CSMD1: variants seen among roughly 807,000 people sequenced by gnomAD.
CSMD1 encodes CUB and sushi domain-containing protein 1.
CSMD1 carries 213 observed loss-of-function variants against 417.5 expected under a neutral mutation model. That is an observed-to-expected ratio of 0.51 (90% CI 0.46 to 0.57). The LOEUF (loss-of-function observed/expected upper bound fraction) is 0.57, where lower values mean the gene tolerates loss of function less well. Ranked by LOEUF, CSMD1 falls within the 20% of genes least tolerant of loss-of-function variation. The pLI is 0.00. For synonymous variants in CSMD1, 2,862 were observed against 1,736.8 expected (o/e 1.65, Z -16.11); for missense variants, 6,923 against 4,529.7 (o/e 1.53, Z -15.17).
intron 4 of CSMD1, among the ~76,000 whole-genome samples, chr8:4,025,909 A>T (rs923340456): frequency 2.0e-5 from 3 of 151,928 alleles, no homozygotes; most frequent in Non-Finnish European, 4.4e-5. Context: ...AGGTGTCATT[A>T]TTCAGGGAAA....
At chr8:4,614,711 A>T (rs1378256925) in intron 2 of CSMD1, among the ~76,000 whole-genome samples, 5 of 152,160 alleles carry the variant, frequency 3.3e-5, no homozygotes, top group African/African-American at 9.7e-5. Context: ...TCATGGAACG[A>T]ACACTTCCTT....
chr8:4,330,176 G>A (rs1799786661), intron 3 of CSMD1, among the ~76,000 whole-genome samples: 1 of 134,200 alleles, frequency 7.5e-6, no homozygotes, highest in African/African-American at 2.5e-5. Context: ...AGGAACAGAG[G>A]TTCCTGTTAT....
intron 4 of CSMD1, among the ~76,000 whole-genome samples, chr8:4,027,886 A>G (rs1264987412): frequency 2.0e-5 from 3 of 152,350 alleles, no homozygotes; most frequent in African/African-American, 7.2e-5. Flanking sequence ...AAGACACAGT[A>G]ACTTTGATTT....
intron 1 of CSMD1, among the ~76,000 whole-genome samples, chr8:4,864,381 T>C (rs1802306870): frequency 6.6e-6 from 1 of 151,948 alleles, no homozygotes; most frequent in Non-Finnish European, 1.5e-5. Flanking sequence ...AAAATGTATT[T>C]GTCTTTCAAT....
At chr8:4,479,434 A>T (rs1411983580) in intron 2 of CSMD1, among the ~76,000 whole-genome samples, 1 of 152,222 alleles carries the variant, frequency 6.6e-6, no homozygotes, top group Non-Finnish European at 1.5e-5. Flanking sequence ...AAAACAAAAC[A>T]AAACAATATA....
chr8:4,187,135 A>C lies in CSMD1; in HGVS notation c.416-155036T>G, dbSNP rs766808030. On this transcript the variant is annotated intron_variant, in intron 3 of 69. Coordinates refer to ENST00000635120, the MANE Select transcript of CSMD1 (RefSeq NM_033225.6). ...ATTTCACCAAGTCTCCACTCTGTTA[A>C]AACATATTGATTTACTGCTTGTAGT... Among the ~76,000 whole-genome samples the C allele has an allele frequency of 5.3e-5, 5 of 93,812 alleles. No individual in the cohort carries two copies. The East Asian group carries it at 1.6e-3, about 30-fold the overall frequency. The allele number at this position is 93,812 out of a possible 152,430, so 61.5% of individuals were successfully genotyped here.
intron 3 of CSMD1, among the ~76,000 whole-genome samples, chr8:4,379,556 A>T (rs755769647): frequency 2.6e-5 from 4 of 152,206 alleles, no homozygotes; most frequent in Admixed American, 6.5e-5. Flanking sequence ...TTATTTTTGC[A>T]ATTTTGTGGT....
At chr8:4,382,592 G>C (rs1803173965) in intron 3 of CSMD1, among the ~76,000 whole-genome samples, 1 of 152,186 alleles carries the variant, frequency 6.6e-6, no homozygotes, top group Non-Finnish European at 1.5e-5. Flanking sequence ...TAAAAGACTT[G>C]AGTATCCATT....
At chr8:4,577,675 TAA>T (rs1799201686) in intron 2 of CSMD1, among the ~76,000 whole-genome samples, 1 of 152,208 alleles carries the variant, frequency 6.6e-6, no homozygotes, top group African/African-American at 2.4e-5. Context: ...CCCTGAATGC[TAA>T]GAGAGGACAA....
chr8:3,683,854 G>C (rs1050552132), intron 7 of CSMD1, among the ~76,000 whole-genome samples: 1 of 151,980 alleles, frequency 6.6e-6, no homozygotes, highest in Non-Finnish European at 1.5e-5. Context: ...GAATATTCAT[G>C]AATGTTAAGC....
chr8:4,935,806 C>A (rs972323157), intron 1 of CSMD1, among the ~76,000 whole-genome samples: 1 of 152,190 alleles, frequency 6.6e-6, no homozygotes, highest in Admixed American at 6.5e-5. Context: ...GGAATTGCAA[C>A]TTGAGAGAGT....
At position 4,691,042 on chromosome 8, in the gene CSMD1, C is replaced by T. The variant is rs138915448; in HGVS notation, c.86-53484G>A. ...GTGACTGGCCAAAATTATTTTTACG[C>T]CGTGCTTTGAAACATGCACCTTTAA... is the stretch of plus-strand genomic sequence containing the variant. On this transcript the variant is annotated intron_variant, in intron 1 of 69. Coordinates refer to ENST00000635120, the MANE Select transcript of CSMD1 (RefSeq NM_033225.6). Among the ~76,000 whole-genome samples the T allele has an allele frequency of 6.9e-3, 1,051 of 152,196 alleles. 12 individuals are homozygous for T. The highest frequency in any genetic ancestry group is 0.027 in the Middle Eastern group (8 of 294).
chr8:4,562,149 G>A (rs573580303), intron 2 of CSMD1, among the ~76,000 whole-genome samples: 19 of 152,280 alleles, frequency 1.2e-4, no homozygotes, highest in Non-Finnish European at 1.5e-4. Flanking sequence ...TTAATTAAGA[G>A]CAGAAAACAT....
At chr8:3,127,680 G>C (rs934896137) in intron 41 of CSMD1, 13 of 152,152 alleles carry the variant, frequency 8.5e-5, no homozygotes, top group Admixed American at 6.5e-5. Flanking sequence ...AAGAAAAACA[G>C]TGGAACTTTG....
chr8:4,877,344 T>C (rs1477354801), intron 1 of CSMD1, among the ~76,000 whole-genome samples: 4 of 152,086 alleles, frequency 2.6e-5, no homozygotes, highest in Non-Finnish European at 4.4e-5. Context: ...TTAAGATAAA[T>C]TATGTTATTT....
intron 4 of CSMD1, among the ~76,000 whole-genome samples, chr8:4,000,888 T>G (rs927122127): frequency 4.6e-5 from 7 of 152,094 alleles, no homozygotes; most frequent in African/African-American, 1.7e-4. Context: ...CATAGATGTG[T>G]GGAATTAAAA....
chr8:4,783,009 TG>T (rs1467187422), intron 1 of CSMD1, among the ~76,000 whole-genome samples: 1 of 151,130 alleles, frequency 6.6e-6, no homozygotes, highest in South Asian at 2.1e-4. Context: ...GAGATCCAGA[TG>T]GTCATGTCTG....
chr8:3,977,414 T>C (rs535952492), intron 5 of CSMD1, among the ~76,000 whole-genome samples: 1 of 152,222 alleles, frequency 6.6e-6, no homozygotes, highest in Non-Finnish European at 1.5e-5. Flanking sequence ...TTGTTTTTGT[T>C]GTTGTTCCTG....
At chr8:3,926,296 G>T (rs1041229052) in intron 5 of CSMD1, among the ~76,000 whole-genome samples, 1 of 152,094 alleles carries the variant, frequency 6.6e-6, no homozygotes, top group African/African-American at 2.4e-5. Flanking sequence ...CTTGTGCCAT[G>T]TATTTCTCCT....
Sources: allele counts gnomAD v4.1 joint callset (sites outside exome capture counted in the v4.1 genomes callset), GRCh38; gene constraint gnomAD v4.1.1; transcripts MANE v1.5; gene names NCBI Gene and HGNC (gene_info 2026-07-23, HGNC 2026-07-21).